The following ACER3 variants were observed in gnomAD, a reference collection of about 807,000 sequenced individuals.
The protein encoded by ACER3 is alkaline ceramidase 3.
ACER3 carries 16 observed loss-of-function variants against 48.9 expected under a neutral mutation model. The ratio of observed to expected loss-of-function variants is 0.33; its 90% CI spans 0.22 to 0.50. ACER3 has a LOEUF of 0.50. Ranked by LOEUF, ACER3 falls within the 20% of genes least tolerant of loss-of-function variation. The pLI, the probability that ACER3 is intolerant of heterozygous loss-of-function variation, is 0.98. For missense variants in ACER3, 227 were observed against 326.0 expected (o/e 0.70, Z 2.34); for synonymous variants, 109 against 107.8 (o/e 1.01, Z -0.07).
At chr11:76,877,262 G>A (rs186962750) in intron 1 of ACER3, among the ~76,000 whole-genome samples, 2 of 151,936 alleles carry the variant, frequency 1.3e-5, no homozygotes, top group Non-Finnish European at 2.9e-5. Context: ...GTAGACTCTC[G>A]CTCTAACATA....
chr11:77,007,832 G>T (rs574535064), intron 7 of ACER3, among the ~76,000 whole-genome samples: 1 of 152,264 alleles, frequency 6.6e-6, no homozygotes, highest in Non-Finnish European at 1.5e-5. Context: ...GGAAGTCTAG[G>T]CTCCCCATTC....
intron 7 of ACER3, 136 bp from the exon 8 acceptor site, chr11:77,014,880 A>T (rs1297946549): frequency 3.1e-6 from 2 of 644,834 alleles, no homozygotes; most frequent in Non-Finnish European, 5.5e-6. Flanking sequence ...ATCTGTGAAT[A>T]GCCACTGCAC....
At chr11:76,966,171 T>A (rs28890565) in intron 3 of ACER3, among the ~76,000 whole-genome samples, 189 of 151,772 alleles carry the variant, frequency 1.2e-3, no homozygotes, top group African/African-American at 4.0e-3. Context: ...AGTCTCTGAT[T>A]AAACAGACTT....
intron 1 of ACER3, among the ~76,000 whole-genome samples, chr11:76,890,513 G>A (rs558290959): frequency 6.6e-6 from 1 of 152,288 alleles, no homozygotes; most frequent in South Asian, 2.1e-4. Flanking sequence ...GGATACTAGA[G>A]AAATGATGAA....
At chr11:77,005,153 T>G (rs1049519217) in intron 7 of ACER3, among the ~76,000 whole-genome samples, 3 of 151,712 alleles carry the variant, frequency 2.0e-5, no homozygotes, top group Admixed American at 2.0e-4. Flanking sequence ...TTCTCCTGCC[T>G]CAGCCTCCTG....
chr11:76,903,454 C>G (rs1946136155), intron 1 of ACER3, among the ~76,000 whole-genome samples: 2 of 100,396 alleles, frequency 2.0e-5, no homozygotes, highest in Admixed American at 2.1e-4. Context: ...CACCCCCCCA[C>G]CCGCCCCCGG....
chr11:76,944,102 A>T (rs1947416863), intron 2 of ACER3, among the ~76,000 whole-genome samples: 1 of 151,980 alleles, frequency 6.6e-6, no homozygotes. Flanking sequence ...GCTTTCTAAA[A>T]TCCATTCTGT....
At chr11:76,882,956 C>A (rs1051345912) in intron 1 of ACER3, among the ~76,000 whole-genome samples, 1 of 152,110 alleles carries the variant, frequency 6.6e-6, no homozygotes, top group Non-Finnish European at 1.5e-5. Context: ...TTTTCCCTTT[C>A]GAGATTCCTC....
chr11:76,975,471 A>G (rs1377368460), intron 3 of ACER3, among the ~76,000 whole-genome samples: 3 of 152,112 alleles, frequency 2.0e-5, no homozygotes, highest in Non-Finnish European at 4.4e-5. Context: ...TATTTCTCAG[A>G]GGTATACTTT....
intron 6 of ACER3, among the ~76,000 whole-genome samples, chr11:76,991,042 A>G (rs1182891676): frequency 1.3e-5 from 2 of 152,250 alleles, no homozygotes; most frequent in Non-Finnish European, 2.9e-5. Context: ...GCATGCCATC[A>G]TGACACCAGA....
Position 76,976,352 on chromosome 11 carries a change from T to A in ACER3, c.320+11T>A. 1 of 1,560,178 alleles carries A rather than the reference T, an allele frequency of 6.4e-7. No individual in the cohort carries two copies. Among genetic ancestry groups the A allele is most frequent in the Non-Finnish European group, 8.8e-7 (1 of 1,140,270 alleles). On this transcript the variant is annotated intron_variant, in intron 4 of 10. Transcript: ENST00000532485. ...ATTTGTGTACTGCATGTAAGTACTT[T>A]TAAAATTTCATTGTTTGATTTATTT...
At chr11:77,014,736 T>C (rs1555022912) in intron 7 of ACER3, among the ~76,000 whole-genome samples, 1 of 152,192 alleles carries the variant, frequency 6.6e-6, no homozygotes, top group African/African-American at 2.4e-5. Context: ...AAACAAAAAC[T>C]GTTCCTTCTC....
chr11:76,869,548 A>G (rs1280056402), intron 1 of ACER3, among the ~76,000 whole-genome samples: 2 of 152,222 alleles, frequency 1.3e-5, no homozygotes, highest in South Asian at 4.1e-4. Flanking sequence ...TCAGTAGTCA[A>G]TAGTGTTAAG....
intron 2 of ACER3, among the ~76,000 whole-genome samples, chr11:76,937,269 G>T (rs981988624): frequency 4.6e-5 from 7 of 152,180 alleles, no homozygotes; most frequent in African/African-American, 1.7e-4. Context: ...CATTCTTCTT[G>T]CATTGCTGAT....
At chr11:77,014,632 T>A (rs201876517) in intron 7 of ACER3, among the ~76,000 whole-genome samples, 1 of 152,230 alleles carries the variant, frequency 6.6e-6, no homozygotes, top group East Asian at 1.9e-4. Flanking sequence ...CCCAATACAT[T>A]TATTAAAGTC....
At chr11:77,006,114 C>T (rs1157925388) in intron 7 of ACER3, among the ~76,000 whole-genome samples, 1 of 150,404 alleles carries the variant, frequency 6.6e-6, no homozygotes, top group African/African-American at 2.4e-5. Context: ...CTCAGCCTCC[C>T]AAGTAGCTGG....
intron 2 of ACER3, among the ~76,000 whole-genome samples, chr11:76,943,233 TTCC>T (rs1947383570): frequency 6.6e-6 from 1 of 152,090 alleles, no homozygotes; most frequent in East Asian, 1.9e-4. Context: ...GTTTTTCTAG[TTCC>T]TTGAGGTGTG....
intron 2 of ACER3, among the ~76,000 whole-genome samples, chr11:76,943,760 C>T (rs551570871): frequency 7.0e-6 from 1 of 142,828 alleles, no homozygotes; most frequent in Non-Finnish European, 1.5e-5. Context: ...CCCCCCCCCC[C>T]ACTATTATCA....
At chr11:76,875,503 A>G (rs10899300) in intron 1 of ACER3, among the ~76,000 whole-genome samples, 152,184 of 152,200 alleles carry the variant, frequency 1, 76,084 homozygotes, top group Non-Finnish European at 1. Flanking sequence ...CCACTATCTC[A>G]ATTCTACCAT....
Sources: allele counts gnomAD v4.1 joint callset (sites outside exome capture counted in the v4.1 genomes callset), GRCh38; gene constraint gnomAD v4.1.1; transcripts MANE v1.5; gene names NCBI Gene and HGNC (gene_info 2026-07-23, HGNC 2026-07-21).